The following SLC35F4 variants were observed in gnomAD, a reference collection of about 807,000 sequenced individuals.
SLC35F4 encodes the protein chromosome 14 open reading frame 36.
In SLC35F4, 24 loss-of-function variants were observed where a neutral mutation model predicts 44.2. The observed-to-expected ratio is 0.54, with a 90% CI of 0.39 to 0.76. The LOEUF (loss-of-function observed/expected upper bound fraction) is 0.76. SLC35F4 is among the 30% of genes least tolerant of loss of function. The pLI is 0.00. For synonymous variants in SLC35F4, 238 were observed against 223.6 expected (o/e 1.06, Z -0.57); for missense variants, 562 against 586.1 (o/e 0.96, Z 0.42).
In SLC35F4 at chr14:57,569,937, G is replaced by T. The variant is rs1431429137; in HGVS notation, c.977C>A (p.Ala326Asp). The T allele has an allele frequency of 2.5e-6, 4 of 1,611,544 alleles. No individual in the cohort carries two copies. The highest frequency in any genetic ancestry group is 2.7e-5 in the African/African-American group (2 of 74,822). The change falls in exon 6 of 8, where the codon GCT becomes GAT. Residue 326 changes from alanine to aspartate, a missense_variant. By Grantham distance (126) the Ala-to-Asp change is moderately radical. Transcript: ENST00000556826. ...MFLGSANFGE[A>D]AHFVSTLGFF... ...ACCCAAGGTGGAGACAAAGTGTGCA[G>T]CTTCCCCAAAGTTGGCACTTCCAAG...
At chr14:57,934,786 T>C (rs749599070) in intron 1 of SLC35F4, among the ~76,000 whole-genome samples, 13 of 152,182 alleles carry the variant, frequency 8.5e-5, no homozygotes, top group Non-Finnish European at 1.8e-4. Flanking sequence ...ACTGAGAAAC[T>C]GGGTGCAGAA....
intron 1 of SLC35F4, among the ~76,000 whole-genome samples, chr14:57,915,235 G>A (rs890860077): frequency 3.3e-5 from 5 of 152,074 alleles, no homozygotes; most frequent in Admixed American, 1.3e-4. Context: ...AAACTATTCT[G>A]CCTTTTAGAG....
At chr14:57,831,761 AAACAGAAGAAACATT>A (rs1291762253) in intron 1 of SLC35F4, among the ~76,000 whole-genome samples, 1 of 152,198 alleles carries the variant, frequency 6.6e-6, no homozygotes, top group Non-Finnish European at 1.5e-5. Flanking sequence ...CACCTTTGCA[AAACAGAAGAAACATT>A]AACTTTATCT....
chr14:57,641,981 C>A (rs2073264313), intron 1 of SLC35F4, among the ~76,000 whole-genome samples: 2 of 152,038 alleles, frequency 1.3e-5, no homozygotes, highest in African/African-American at 2.4e-5. Context: ...GCACAATCAA[C>A]TCTAATCTAT....
chr14:57,701,180 A>C (rs2075529814), intron 1 of SLC35F4, among the ~76,000 whole-genome samples: 1 of 151,378 alleles, frequency 6.6e-6, no homozygotes, highest in African/African-American at 2.4e-5. Context: ...GTTGTTAAAC[A>C]CTAAGACACA....
rs1156612182 is a variant in SLC35F4 at position 57,649,993 on chromosome 14, G to C, written c.104-55869C>G. ...CTGGGTATATTGGACCTTTCCTTCA[G>C]TCTTTAAACACTCACCTCTCTTAGC... On this transcript the variant is annotated intron_variant, in intron 1 of 7. Coordinates refer to ENST00000556826, the MANE Select transcript of SLC35F4 (RefSeq NM_001306087.2). 6.4e-4 allele frequency among the ~76,000 whole-genome samples: 97 copies of C among 152,138 alleles called. 2 individuals carry two copies. In the East Asian group the frequency reaches 8.9e-3, roughly 14 times the overall value.
intron 1 of SLC35F4, among the ~76,000 whole-genome samples, chr14:57,865,058 A>ACCCCCCC (rs71104589): frequency 1.8e-4 from 23 of 125,052 alleles, no homozygotes; most frequent in Non-Finnish European, 2.5e-4. Flanking sequence ...CCCTTCTCAG[A>ACCCCCCC]CCCCCCCCCC....
intron 4 of SLC35F4, among the ~76,000 whole-genome samples, chr14:57,573,058 A>G (rs537284996): frequency 6.8e-4 from 93 of 136,304 alleles, no homozygotes; most frequent in African/African-American, 2.5e-3. Context: ...GAGTATTCCC[A>G]GTAAAGAAAT....
intron 1 of SLC35F4, among the ~76,000 whole-genome samples, chr14:57,676,027 C>T (rs2074681246): frequency 6.6e-6 from 1 of 152,034 alleles, no homozygotes; most frequent in Non-Finnish European, 1.5e-5. Flanking sequence ...AGTAAATAGA[C>T]AACCCACAGA....
intron 1 of SLC35F4, among the ~76,000 whole-genome samples, chr14:57,977,446 G>GT (rs968875052): frequency 2.0e-5 from 3 of 152,054 alleles, no homozygotes; most frequent in Non-Finnish European, 4.4e-5. Flanking sequence ...ACAAAGAAAC[G>GT]TTTGTCTTTT....
intron 1 of SLC35F4, among the ~76,000 whole-genome samples, chr14:57,879,456 G>A (rs1356723874): frequency 6.6e-6 from 1 of 151,924 alleles, no homozygotes; most frequent in Non-Finnish European, 1.5e-5. Context: ...ATGCAATAGG[G>A]TTCCCTGCTC....
chr14:57,667,865 A>G (rs7156963), intron 1 of SLC35F4, among the ~76,000 whole-genome samples: 84,382 of 136,292 alleles, frequency 0.62, 26,884 homozygotes, highest in African/African-American at 0.72. Flanking sequence ...GGGATGGCTG[A>G]GTCAAATGGT....
intron 1 of SLC35F4, among the ~76,000 whole-genome samples, chr14:57,900,819 A>C (rs1595277449): frequency 6.6e-6 from 1 of 152,346 alleles, no homozygotes; most frequent in East Asian, 1.9e-4. Context: ...GAACTTAAAC[A>C]AATTTACAAG....
rs1330973449 is a variant in SLC35F4 at position 57,701,811 on chromosome 14, T to C, written c.104-107687A>G. 2.6e-5 allele frequency among the ~76,000 whole-genome samples: 4 copies of C among 152,208 alleles called. No individual in the cohort carries two copies. The East Asian group carries it at 5.8e-4, about 22-fold the overall frequency. On this transcript the variant is annotated intron_variant, in intron 1 of 7. Coordinates refer to ENST00000556826, the MANE Select transcript of SLC35F4 (RefSeq NM_001306087.2). ...TAACAACCTACTATAATAAAAGTTA[T>C]ATGAATGCGATGCCTCTCACACTCA...
chr14:57,739,288 A>G (rs1212528512), intron 1 of SLC35F4, among the ~76,000 whole-genome samples: 5 of 152,186 alleles, frequency 3.3e-5, no homozygotes, highest in Non-Finnish European at 7.3e-5. Flanking sequence ...GAGACACCTC[A>G]CTCCAGGACT....
intron 1 of SLC35F4, among the ~76,000 whole-genome samples, chr14:57,742,791 C>A (rs1223186548): frequency 1.3e-5 from 2 of 152,226 alleles, no homozygotes; most frequent in Non-Finnish European, 2.9e-5. Flanking sequence ...CACCACATCA[C>A]ACTTATTCCA....
intron 1 of SLC35F4, among the ~76,000 whole-genome samples, chr14:57,810,964 C>T (rs1881899375): frequency 6.6e-6 from 1 of 152,168 alleles, no homozygotes; most frequent in Admixed American, 6.5e-5. Flanking sequence ...TTAAGGGAAG[C>T]TCTGTCCCAA....
At chr14:57,933,083 G>A (rs1455601646) in intron 1 of SLC35F4, among the ~76,000 whole-genome samples, 21 of 147,344 alleles carry the variant, frequency 1.4e-4, no homozygotes, top group Non-Finnish European at 2.2e-4. Flanking sequence ...TTGCCCAAGC[G>A]CGACCTTGGC....
chr14:57,811,163 C>T (rs944646488), intron 1 of SLC35F4, among the ~76,000 whole-genome samples: 6 of 152,158 alleles, frequency 3.9e-5, no homozygotes, highest in African/African-American at 1.4e-4. Flanking sequence ...CAGTATTTAT[C>T]ACTTGAATAG....
Sources: gnomAD v4.1 joint callset for allele counts (sites outside exome capture counted in the v4.1 genomes callset) on GRCh38, gnomAD v4.1.1 for gene constraint, MANE v1.5 for transcripts, NCBI Gene and HGNC (gene_info 2026-07-23, HGNC 2026-07-21) for gene names.